The following CASP8 variants were observed in gnomAD, a reference collection of about 807,000 sequenced individuals.
CASP8 encodes caspase 8.
In CASP8, 24 loss-of-function variants were observed where a neutral mutation model predicts 46.3. The observed-to-expected ratio is 0.52, with a 90% CI of 0.38 to 0.73. The LOEUF is 0.73. Among genes scored for constraint, CASP8 ranks in the 30% least tolerant of loss-of-function variants. CASP8 has a pLI of 0.00. For synonymous variants in CASP8, 188 were observed against 200.4 expected (o/e 0.94, Z 0.52); for missense variants, 460 against 559.0 (o/e 0.82, Z 1.79).
At chr2:201,250,861 G>A (rs1946747349) in intron 2 of CASP8, among the ~76,000 whole-genome samples, 1 of 152,192 alleles carries the variant, frequency 6.6e-6, no homozygotes, top group South Asian at 2.1e-4. Context: ...ATAATGCCAT[G>A]TAGAACCGTT....
intron 2 of CASP8, among the ~76,000 whole-genome samples, chr2:201,247,301 G>A (rs1946573381): frequency 6.6e-6 from 1 of 151,830 alleles, no homozygotes; most frequent in South Asian, 2.1e-4. Context: ...GGACATCAGG[G>A]TGAGACTTTT....
intron 2 of CASP8, among the ~76,000 whole-genome samples, chr2:201,268,802 C>G (rs911253021): frequency 6.6e-6 from 1 of 152,066 alleles, no homozygotes; most frequent in Non-Finnish European, 1.5e-5. Flanking sequence ...GTAGATGAGG[C>G]ACAGCAGTCT....
upstream of CASP8, chr2:201,258,412 C>G (rs529403950): frequency 6.2e-7 from 1 of 1,613,206 alleles, no homozygotes; most frequent in Non-Finnish European, 8.5e-7. Context: ...GTGGCCTCTT[C>G]AACAGGAAAC....
At chr2:201,286,366 G>C (rs918093332) in intron 8 of CASP8, 93 bp from the exon 9 acceptor site, 7 of 1,465,198 alleles carry the variant, frequency 4.8e-6, no homozygotes, top group Non-Finnish European at 6.6e-6. Flanking sequence ...TTGAGAGAAA[G>C]AACTACAGAA....
At chr2:201,254,500 GC>G (rs1237529287) in intron 2 of CASP8, among the ~76,000 whole-genome samples, 1 of 152,118 alleles carries the variant, frequency 6.6e-6, no homozygotes. Context: ...AAGGGGAGCG[GC>G]CCCGTTGAAT....
At chr2:201,273,043 C>A in intron 5 of CASP8, 101 bp downstream of exon 5, 1 of 958,450 alleles carries the variant, frequency 1.0e-6, no homozygotes, top group Non-Finnish European at 1.6e-6. Context: ...TCTTAACGTG[C>A]CTGCTCTACT....
chr2:201,258,995 A>AAGTC (rs33926316), upstream of CASP8, among the ~76,000 whole-genome samples: 2 of 18,358 alleles, frequency 1.1e-4, no homozygotes, highest in African/African-American at 1.7e-4. Context: ...GATCTCAGGC[A>AAGTC]AGTAATTCCT....
At position 201,281,933 on chromosome 2, in the gene CASP8, C is replaced by CTTTTTTTTTTTTT. The variant is rs540286536; in HGVS notation, c.803-2873_803-2861dup. ...TGCTCTTGAATTTCTGGTTCAAATT[C>CTTTTTTTTTTTTT]TTTTTTTTTTTTTTTTTTTTTTATT... On this transcript the variant is annotated intron_variant, in intron 7 of 8. Coordinates refer to ENST00000673742, the MANE Select transcript of CASP8 (RefSeq NM_001372051.1). 4.1e-4 allele frequency: 107 copies of CTTTTTTTTTTTTT among 262,182 alleles called. 1 individual carries two copies. The highest frequency in any genetic ancestry group is 2.9e-3 in the Middle Eastern group (2 of 698). The allele number at this position is 262,182 out of a possible 1,614,324, so 16.2% of individuals were successfully genotyped here.
chr2:201,268,956 T>TGA lies in CASP8; in HGVS notation c.305+2168_305+2169dup, dbSNP rs1188240647. Among the ~76,000 whole-genome samples the TGA allele has an allele frequency of 2.3e-3, 313 of 133,378 alleles. 1 individual carries two copies. The highest frequency in any genetic ancestry group is 7.9e-3 in the East Asian group (40 of 5,044). The allele number at this position is 133,378 out of a possible 152,430, so 87.5% of individuals were successfully genotyped here. A position where few individuals can be genotyped will look rare whatever the true frequency, so the allele number is the denominator to read the frequency against. ...GTGTGTGTGTGTGTGTGTGTGTGTG[T>TGA]GAGACAGTGTCTCACTACATCGCCC... is the stretch of plus-strand genomic sequence containing the variant. On this transcript the variant is annotated intron_variant, in intron 2 of 8. Transcript: ENST00000673742.
chr2:201,274,817 G>A, intron 5 of CASP8, 72 bp from the exon 6 acceptor site: 2 of 1,147,412 alleles, frequency 1.7e-6, no homozygotes, highest in Admixed American at 1.7e-5. Context: ...TGTCCTATGT[G>A]CTACATATTT....
intron 2 of CASP8, among the ~76,000 whole-genome samples, chr2:201,248,930 T>C (rs1307981584): frequency 2.6e-5 from 4 of 152,176 alleles, no homozygotes; most frequent in African/African-American, 4.8e-5. Context: ...CTTACTCTGT[T>C]GCCCAGGCTG....
At chr2:201,255,270 G>A (rs1271909744) in intron 2 of CASP8, among the ~76,000 whole-genome samples, 3 of 152,162 alleles carry the variant, frequency 2.0e-5, no homozygotes, top group African/African-American at 7.2e-5. Context: ...TAGAGATGGG[G>A]TTTTGCCATG....
intron 2 of CASP8, among the ~76,000 whole-genome samples, chr2:201,270,202 T>G (rs968315747): frequency 1.3e-5 from 2 of 152,228 alleles, no homozygotes; most frequent in Admixed American, 1.3e-4. Context: ...AGCCTAAATG[T>G]GCCAATCACA....
intron 2 of CASP8, among the ~76,000 whole-genome samples, chr2:201,254,418 G>A (rs1306977262): frequency 6.6e-6 from 1 of 152,228 alleles, no homozygotes; most frequent in Non-Finnish European, 1.5e-5. Context: ...AATGGAATCT[G>A]TTTTCCCTTC....
At chr2:201,249,035 G>A (rs1946656370) in intron 2 of CASP8, among the ~76,000 whole-genome samples, 2 of 152,102 alleles carry the variant, frequency 1.3e-5, no homozygotes, top group East Asian at 1.9e-4. Context: ...GGGACTACAG[G>A]TGCCCCCCAC....
chr2:201,269,676 G>A, intron 2 of CASP8: 1 of 1,037,934 alleles, frequency 9.6e-7, no homozygotes, highest in Non-Finnish European at 1.5e-6. Flanking sequence ...CTGACTTACT[G>A]CTTGTTCATT....
upstream of CASP8, among the ~76,000 whole-genome samples, chr2:201,258,816 G>A (rs945686630): frequency 6.6e-6 from 1 of 151,986 alleles, no homozygotes; most frequent in Non-Finnish European, 1.5e-5. Flanking sequence ...CCCCTCTTCC[G>A]TGTCTGAAGG....
At chr2:201,259,680 C>T (rs1947247006), upstream of CASP8, among the ~76,000 whole-genome samples, 1 of 152,170 alleles carries the variant, frequency 6.6e-6, no homozygotes, top group Non-Finnish European at 1.5e-5. Context: ...TTTCATCTAA[C>T]TCTCAGTATG....
intron 2 of CASP8, among the ~76,000 whole-genome samples, chr2:201,249,586 T>C (rs933343142): frequency 1.1e-4 from 17 of 152,118 alleles, no homozygotes; most frequent in African/African-American, 4.1e-4. Flanking sequence ...TATTGTTGAG[T>C]CTTAACAGAT....
Sources: gnomAD v4.1 joint callset for allele counts (sites outside exome capture counted in the v4.1 genomes callset) on GRCh38, gnomAD v4.1.1 for gene constraint, MANE v1.5 for transcripts, NCBI Gene and HGNC (gene_info 2026-07-23, HGNC 2026-07-21) for gene names.